The following TMEM108 variants were observed in gnomAD, a reference collection of about 807,000 sequenced individuals.
TMEM108 encodes the protein transmembrane protein 108.
Under a neutral mutation model 35.1 loss-of-function variants are expected in TMEM108, and 12 were observed. The ratio of observed to expected loss-of-function variants is 0.34; its 90% CI spans 0.22 to 0.55. TMEM108 has a LOEUF of 0.55. Ranked by LOEUF, TMEM108 falls within the 20% of genes least tolerant of loss-of-function variation. The pLI is 0.89. For synonymous variants in TMEM108, 287 were observed against 308.6 expected (o/e 0.93, Z 0.73); for missense variants, 680 against 753.3 (o/e 0.90, Z 1.14).
intron 5 of TMEM108, among the ~76,000 whole-genome samples, chr3:133,394,309 C>A (rs1191312876): frequency 6.6e-6 from 1 of 152,246 alleles, no homozygotes; most frequent in Non-Finnish European, 1.5e-5. Flanking sequence ...CCTGCCCCCA[C>A]TGCTGTGTTG....
intron 2 of TMEM108, among the ~76,000 whole-genome samples, chr3:133,161,775 A>G (rs1944965234): frequency 2.0e-5 from 3 of 151,486 alleles, no homozygotes; most frequent in Admixed American, 6.6e-5. Context: ...TTGTCTCGCC[A>G]TTTCTGATAC....
intron 2 of TMEM108, among the ~76,000 whole-genome samples, chr3:133,204,907 A>C (rs550150256): frequency 4.6e-5 from 7 of 152,294 alleles, no homozygotes; most frequent in Admixed American, 6.5e-5. Context: ...GGGGTGTTAA[A>C]GTCTCCCGCT....
intron 3 of TMEM108, among the ~76,000 whole-genome samples, chr3:133,237,444 T>C (rs1946255088): frequency 6.6e-6 from 1 of 152,132 alleles, no homozygotes; most frequent in Admixed American, 6.6e-5. Context: ...ATTGTCCTAT[T>C]CTCAGGTCTT....
At chr3:133,173,390 C>G (rs560826746) in intron 2 of TMEM108, among the ~76,000 whole-genome samples, 1 of 152,174 alleles carries the variant, frequency 6.6e-6, no homozygotes, top group Non-Finnish European at 1.5e-5. Flanking sequence ...TCTACACAAA[C>G]CAAGATTCAG....
rs1289839423 is a variant in TMEM108 at position 133,397,063 on chromosome 3, A to G, written c.*1077A>G. On this transcript the variant is annotated 3_prime_UTR_variant, in exon 6 of 6. Coordinates refer to ENST00000321871, the MANE Select transcript of TMEM108 (RefSeq NM_023943.4). Reference sequence around the variant, plus strand: ...CGCAGCACCAGCCGGTGGACTTGCCATCCAGCTCTCAGCTTCCACTGCTCC... The same window carrying G: ...CGCAGCACCAGCCGGTGGACTTGCCGTCCAGCTCTCAGCTTCCACTGCTCC... The G allele has an allele frequency of 1.3e-5, 2 of 152,188 alleles. No individual in the cohort carries two copies. Among genetic ancestry groups the G allele is most frequent in the African/African-American group, 4.8e-5 (2 of 41,452 alleles). 9.4% of individuals were successfully genotyped at this position (152,188 alleles called of 1,614,324 possible). A position where few individuals can be genotyped will look rare whatever the true frequency, so the allele number is the denominator to read the frequency against.
chr3:133,261,259 C>T (rs968107401), intron 3 of TMEM108, among the ~76,000 whole-genome samples: 1 of 152,114 alleles, frequency 6.6e-6, no homozygotes, highest in African/African-American at 2.4e-5. Context: ...CACTCTTATT[C>T]CTTATGGGAA....
In TMEM108 at chr3:133,327,194, A is replaced by G. The variant is rs185173171; in HGVS notation, c.41-52558A>G. 2.9e-3 allele frequency among the ~76,000 whole-genome samples: 446 copies of G among 152,338 alleles called. 3 individuals are homozygous for G. The highest frequency in any genetic ancestry group is 0.01 in the African/African-American group (431 of 41,580). On this transcript the variant is annotated intron_variant, in intron 3 of 5. Transcript: ENST00000321871. ...GCCAGTCACCCAGAGAAAGGAATTT[A>G]TAAAGAATGATTGAGACTAGTGCCA... is the stretch of plus-strand genomic sequence containing the variant.
chr3:133,386,244 G>T (rs1041037365), intron 4 of TMEM108, among the ~76,000 whole-genome samples: 1 of 152,222 alleles, frequency 6.6e-6, no homozygotes, highest in Non-Finnish European at 1.5e-5. Context: ...CTTAGCATCT[G>T]CCATGGAGAA....
At chr3:133,295,985 C>T (rs552677107) in intron 3 of TMEM108, among the ~76,000 whole-genome samples, 112 of 152,242 alleles carry the variant, frequency 7.4e-4, no homozygotes, top group African/African-American at 2.4e-3. Context: ...AAGAGCTGGA[C>T]GGATAACTTT....
At chr3:133,314,462 T>C (rs537604892) in intron 3 of TMEM108, among the ~76,000 whole-genome samples, 35 of 152,232 alleles carry the variant, frequency 2.3e-4, no homozygotes, top group Non-Finnish European at 4.6e-4. Flanking sequence ...CAACTCCAAT[T>C]CTTAGACTGA....
chr3:133,047,126 C>T (rs891423346), intron 2 of TMEM108, among the ~76,000 whole-genome samples: 4 of 152,118 alleles, frequency 2.6e-5, no homozygotes, highest in African/African-American at 9.7e-5. Flanking sequence ...AAAGAAAGGG[C>T]AGCTGCAAAG....
chr3:133,368,183 A>AGGAGCCAAGTGTTCC (rs1056246161), intron 3 of TMEM108, among the ~76,000 whole-genome samples: 2 of 88,818 alleles, frequency 2.3e-5, no homozygotes, highest in South Asian at 3.4e-4. Context: ...CTGGGTTTAT[A>AGGAGCCAAGTGTTCC]GGAGCCACCA....
rs113221319 is a variant in TMEM108 at position 133,170,264 on chromosome 3, G to A, written c.-46-59002G>A. 2.0e-4 allele frequency among the ~76,000 whole-genome samples: 31 copies of A among 152,186 alleles called. 1 individual carries two copies. Among genetic ancestry groups the A allele is most frequent in the South Asian group, 6.2e-4 (3 of 4,822 alleles). ...TTCCCATAATATTCACATTGTCCACGTATGCAAACACAGGACTAAGTTGTA... is the reference window on the plus strand; with the variant it reads ...TTCCCATAATATTCACATTGTCCACATATGCAAACACAGGACTAAGTTGTA... On this transcript the variant is annotated intron_variant, in intron 2 of 5. Coordinates refer to ENST00000321871, the MANE Select transcript of TMEM108 (RefSeq NM_023943.4).
intron 3 of TMEM108, among the ~76,000 whole-genome samples, chr3:133,359,646 T>G (rs1231525631): frequency 6.6e-6 from 1 of 152,220 alleles, no homozygotes; most frequent in Non-Finnish European, 1.5e-5. Context: ...GTAGTTATTT[T>G]CTGCATCTTG....
rs563688992 is a variant in TMEM108, at chr3:133,190,269, G to T, written c.-46-38997G>T. 2.6e-5 allele frequency among the ~76,000 whole-genome samples: 4 copies of T among 152,284 alleles called. No homozygotes were observed. In the South Asian group the frequency reaches 6.2e-4, roughly 24 times the overall value. On this transcript the variant is annotated intron_variant, in intron 2 of 5. Coordinates refer to ENST00000321871, the MANE Select transcript of TMEM108 (RefSeq NM_023943.4). ...CAGAGGGCTAATGTCCAAGGTAAAG[G>T]CCTTTAGGACTTTTAATATGGCAAT...
At chr3:133,238,373 A>C (rs972927369) in intron 3 of TMEM108, among the ~76,000 whole-genome samples, 7 of 152,224 alleles carry the variant, frequency 4.6e-5, no homozygotes, top group Non-Finnish European at 1.0e-4. Context: ...CAAATCTAAG[A>C]TGCTAGTAGT....
intron 2 of TMEM108, among the ~76,000 whole-genome samples, chr3:133,111,704 A>C (rs1045453597): frequency 6.6e-6 from 1 of 152,244 alleles, no homozygotes; most frequent in Non-Finnish European, 1.5e-5. Flanking sequence ...TAGACCCCCA[A>C]CTGTAGTCAA....
At chr3:133,132,495 G>A (rs753445606) in intron 2 of TMEM108, among the ~76,000 whole-genome samples, 8 of 152,218 alleles carry the variant, frequency 5.3e-5, no homozygotes, top group Non-Finnish European at 8.8e-5. Flanking sequence ...TTTACTGAAC[G>A]ACTTAACCCC....
intron 2 of TMEM108, among the ~76,000 whole-genome samples, chr3:133,149,532 A>T (rs1406140480): frequency 6.6e-6 from 1 of 151,678 alleles, no homozygotes; most frequent in South Asian, 2.1e-4. Context: ...GACAACCACC[A>T]CTCTACTCTG....
Sources: allele counts gnomAD v4.1 joint callset (sites outside exome capture counted in the v4.1 genomes callset), GRCh38; gene constraint gnomAD v4.1.1; transcripts MANE v1.5; gene names NCBI Gene and HGNC (gene_info 2026-07-23, HGNC 2026-07-21).